The following SLC47A2 variants were observed in gnomAD, a reference collection of about 807,000 sequenced individuals.
SLC47A2 encodes solute carrier family 47 member 2.
In SLC47A2, 52 loss-of-function variants were observed where a neutral mutation model predicts 67.7. The ratio of observed to expected loss-of-function variants is 0.77; its 90% CI spans 0.61 to 0.97. SLC47A2 has a LOEUF of 0.97. SLC47A2 is among the 50% of genes least tolerant of loss of function. The pLI is 0.00. For missense variants in SLC47A2, 676 were observed against 712.3 expected, an observed-to-expected ratio of 0.95 and a Z score of 0.58; for synonymous variants, 278 against 292.9, an observed-to-expected ratio of 0.95 and a Z score of 0.52.
intron 5 of SLC47A2, among the ~76,000 whole-genome samples, 182 bp from the exon 6 acceptor site, chr17:19,708,942 C>T (rs1477974165): frequency 6.6e-6 from 1 of 152,218 alleles, no homozygotes; most frequent in Non-Finnish European, 1.5e-5. Flanking sequence ...CATGCTCGGG[C>T]CCAGCCTATG....
upstream of SLC47A2, chr17:19,717,035 C>T (rs1299289814): frequency 6.4e-6 from 1 of 157,136 alleles, no homozygotes; most frequent in Non-Finnish European, 1.4e-5. Context: ...GTGGCAGAGC[C>T]TGAACAGCCC....
intron 13 of SLC47A2, among the ~76,000 whole-genome samples, chr17:19,701,782 G>A (rs1204040994): frequency 2.6e-5 from 4 of 152,026 alleles, no homozygotes; most frequent in African/African-American, 4.8e-5. Context: ...GGAGTTCAAG[G>A]CCAGCCAGGG....
At position 19,713,845 on chromosome 17, in the gene SLC47A2, CCG is replaced by C. The variant is rs748391930; in HGVS notation, c.421_422del (p.Arg141AlafsTer128). The C allele has an allele frequency of 6.2e-7, 1 of 1,612,796 alleles. No homozygotes were observed. Among genetic ancestry groups the C allele is most frequent in the African/African-American group, 1.3e-5 (1 of 74,930 alleles). On this transcript the variant is annotated frameshift_variant, in exon 4 of 17. Transcript: ENST00000433844. LOFTEE classifies it high-confidence loss of function. ...LNTQHILLLF[R>X]QDPDVSRLTQ... ...CGCACCTGGACACGTCCGGGTCCTG[CCG>C]GAAGAGCAGCAGGATGTGCTGGGTG...
Position 19,716,458 on chromosome 17 carries a change from G to C in SLC47A2, c.98C>G (p.Thr33Ser). The C allele has an allele frequency of 1.9e-6, 3 of 1,612,146 alleles. No homozygotes were observed. Among genetic ancestry groups the C allele is most frequent in the Non-Finnish European group, 2.5e-6 (3 of 1,179,186 alleles). ...VPRGFGTEMWTLFALSGPLFL... is the reference protein window; with the variant it reads ...VPRGFGTEMWSLFALSGPLFL... ...CAGGGGTCCAGAAAGGGCAAAGAGA[G>C]TCCACATCTCAGTCCCAAAGCCTCT... Residue 33 changes from threonine to serine, a missense_variant, in exon 1 of 17, where the codon ACT becomes AGT. Thr to Ser is a moderately conservative substitution (Grantham distance 58, BLOSUM62 1). Transcript: ENST00000433844.
rs1341135464 is a variant in SLC47A2 at position 19,701,797 on chromosome 17, G to C, written c.1164+808C>G. 2.6e-5 allele frequency among the ~76,000 whole-genome samples: 4 copies of C among 152,230 alleles called. No homozygotes were observed. The South Asian group carries it at 6.2e-4, about 24-fold the overall frequency. On this transcript the variant is annotated intron_variant, in intron 13 of 16. Transcript: ENST00000433844. ...GGAGTTCAAGGCCAGCCAGGGCTTG[G>C]AAGATAAACCTGGCAGCTCCCGAGG...
chr17:19,696,136 A>G (rs2085657531), intron 13 of SLC47A2, among the ~76,000 whole-genome samples: 1 of 151,854 alleles, frequency 6.6e-6, no homozygotes, highest in South Asian at 2.1e-4. Context: ...CCCTAATCCA[A>G]TATGACTGGT....
At chr17:19,708,974 C>T (rs2086023742) in intron 5 of SLC47A2, among the ~76,000 whole-genome samples, 1 of 152,232 alleles carries the variant, frequency 6.6e-6, no homozygotes, top group Non-Finnish European at 1.5e-5. Flanking sequence ...CTCAGGGCTC[C>T]CTTCTGCCAC....
At position 19,679,960 on chromosome 17, in the gene SLC47A2, A is replaced by G. The variant is rs757176613; in HGVS notation, c.1472T>C (p.Leu491Pro). 3 of 1,613,656 alleles carry G rather than the reference A, an allele frequency of 1.9e-6. No individual in the cohort carries two copies. Among genetic ancestry groups the G allele is most frequent in the East Asian group, 2.2e-5 (1 of 44,840 alleles). ...ATRPGPEKAV[L>P]SSVATGSSPG... Reference sequence around the variant, plus strand: ...AGCGGTGACAGTATTACCTGAAGATAGGACTGCTTTCTCAGGCCCAGGTCT... The same window carrying G: ...AGCGGTGACAGTATTACCTGAAGATGGGACTGCTTTCTCAGGCCCAGGTCT... Residue 491 changes from leucine (L) to proline (P), a missense_variant, in exon 16 of 17, where the codon CTA (leucine) becomes CCA (proline). Coordinates refer to ENST00000433844, the MANE Select transcript of SLC47A2 (RefSeq NM_001099646.3).
intron 5 of SLC47A2, among the ~76,000 whole-genome samples, chr17:19,711,790 T>C (rs552070032): frequency 2.6e-4 from 40 of 152,114 alleles, no homozygotes; most frequent in Non-Finnish European, 4.4e-4. Context: ...ATTTCTGTAA[T>C]TGATAGTTTC....
rs1266366122 is a variant in SLC47A2, at chr17:19,704,154, C to A, written c.934G>T (p.Val312Phe). 1 of 1,611,334 alleles carries A rather than the reference C, an allele frequency of 6.2e-7. No individual in the cohort carries two copies. Among genetic ancestry groups the A allele is most frequent in the Non-Finnish European group, 8.5e-7 (1 of 1,179,282 alleles). The change falls in exon 11 of 17, where the codon GTC becomes TTC. Residue 312 changes from valine to phenylalanine, a missense_variant. Val to Phe is a conservative substitution (Grantham distance 50, BLOSUM62 -1). Coordinates refer to ENST00000433844, the MANE Select transcript of SLC47A2 (RefSeq NM_001099646.3). The stretch of plus-strand genomic sequence containing the variant: ...AGAGCCATCCCCACTCGGACACAGA[C>A]CCCGATGCTGAGCCCCAAGGGAATC... ...YMIPLGLSIGVCVRVGMALGA... is the reference protein window; with the variant it reads ...YMIPLGLSIGFCVRVGMALGA...
At chr17:19,707,720 C>G in intron 8 of SLC47A2, 26 bp downstream of exon 8, 1 of 1,557,250 alleles carries the variant, frequency 6.4e-7, no homozygotes, top group Non-Finnish European at 8.7e-7. Context: ...CCTGCTCAGC[C>G]TCCCAGAGCA....
At chr17:19,711,397 G>C (rs2086090336) in intron 5 of SLC47A2, among the ~76,000 whole-genome samples, 1 of 150,920 alleles carries the variant, frequency 6.6e-6, no homozygotes, top group Non-Finnish European at 1.5e-5. Context: ...TTCGAGACCA[G>C]CCTGACCAAT....
intron 9 of SLC47A2, among the ~76,000 whole-genome samples, chr17:19,706,268 C>T (rs1438666659): frequency 1.3e-5 from 2 of 152,226 alleles, no homozygotes; most frequent in East Asian, 3.8e-4. Context: ...GTGGGAGCCT[C>T]ACACTGGCAA....
intron 16 of SLC47A2, among the ~76,000 whole-genome samples, chr17:19,679,487 G>A (rs545305754): frequency 4.0e-4 from 61 of 152,258 alleles, no homozygotes; most frequent in Non-Finnish European, 7.9e-4. Context: ...TAGATAGCAG[G>A]TGCCCCCCCA....
At position 19,713,820 on chromosome 17, in the gene SLC47A2, C is replaced by A. The variant is rs781260455; in HGVS notation, c.443+5G>T. 10 of 1,605,858 alleles carry A rather than the reference C, an allele frequency of 6.2e-6. No homozygotes were observed. The highest frequency in any genetic ancestry group is 2.7e-5 in the African/African-American group (2 of 74,784). On this transcript the variant is annotated splice_donor_5th_base_variant and intron_variant, in intron 4 of 16. Coordinates refer to ENST00000433844, the MANE Select transcript of SLC47A2 (RefSeq NM_001099646.3). ...CCCCACCTCCCCAGCCGGAGCCCAG[C>A]GCACCTGGACACGTCCGGGTCCTGC...
intron 13 of SLC47A2, among the ~76,000 whole-genome samples, chr17:19,689,738 T>C (rs1276726724): frequency 2.0e-5 from 3 of 149,448 alleles, no homozygotes; most frequent in African/African-American, 7.4e-5. Flanking sequence ...ATCCCTACAA[T>C]GAAAACTATA....
At chr17:19,700,689 C>G (rs1386716648) in intron 13 of SLC47A2, among the ~76,000 whole-genome samples, 1 of 150,590 alleles carries the variant, frequency 6.6e-6, no homozygotes, top group African/African-American at 2.5e-5. Context: ...TGCTTGGGCC[C>G]AGGTGGTCGA....
rs1172206023 is a variant in SLC47A2, at chr17:19,712,602, T to A, written c.486+101A>T. On this transcript the variant is annotated intron_variant, in intron 5 of 16. Coordinates refer to ENST00000433844, the MANE Select transcript of SLC47A2 (RefSeq NM_001099646.3). ...GTCACCCTCATGGCCCAGCAGGAAGTCACAGCAGGATAGGGATCTTCCGCA... is the reference window on the plus strand; with the variant it reads ...GTCACCCTCATGGCCCAGCAGGAAGACACAGCAGGATAGGGATCTTCCGCA... 1.3e-5 allele frequency: 17 copies of A among 1,296,660 alleles called. 1 individual carries two copies. The highest frequency in any genetic ancestry group is 1.8e-4 in the Middle Eastern group (1 of 5,544). The allele number at this position is 1,296,660 out of a possible 1,614,324, so 80.3% of individuals were successfully genotyped here. A position where few individuals can be genotyped will look rare whatever the true frequency, so the allele number is the denominator to read the frequency against.
chr17:19,692,237 AAAAAG>A, intron 13 of SLC47A2: 1 of 421,702 alleles, frequency 2.4e-6, no homozygotes, highest in South Asian at 1.7e-5. Context: ...CAAAAAAAAA[AAAAAG>A]AAAAAGAAAA....
Sources: gnomAD v4.1 joint callset for allele counts (sites outside exome capture counted in the v4.1 genomes callset) on GRCh38, gnomAD v4.1.1 for gene constraint, MANE v1.5 for transcripts, NCBI Gene and HGNC (gene_info 2026-07-23, HGNC 2026-07-21) for gene names.